GPR55: variants seen among roughly 807,000 people sequenced by gnomAD.
The protein encoded by GPR55 is G-protein coupled receptor 55.
In GPR55, 6 loss-of-function variants were observed where a neutral mutation model predicts 7.9. The ratio of observed to expected loss-of-function variants is 0.76; its 90% CI spans 0.41 to 1.49. The LOEUF (loss-of-function observed/expected upper bound fraction) is 1.49, where lower values mean the gene tolerates loss of function less well. Among genes scored for constraint, GPR55 ranks in the 40% most tolerant of loss-of-function variants. The probability of loss-of-function intolerance (pLI) is 0.01; values close to 1 mark genes in which losing one functional copy is unlikely to be tolerated. For synonymous variants in GPR55, 183 were observed against 166.8 expected, an observed-to-expected ratio of 1.10 and a Z score of -0.75; for missense variants, 376 against 406.0, an observed-to-expected ratio of 0.93 and a Z score of 0.63.
At position 230,910,705 on chromosome 2, in the gene GPR55, T is replaced by TA. The variant is rs776003986; in HGVS notation, c.257dup (p.Gln87ThrfsTer88). 9 of 1,613,790 alleles carry TA rather than the reference T, an allele frequency of 5.6e-6. No homozygotes were observed. The Admixed American group carries it at 1.3e-4, about 24-fold the overall frequency. On this transcript the variant is annotated frameshift_variant, in exon 2 of 2. Transcript: ENST00000650999. LOFTEE classifies it high-confidence loss of function. This position sits in a 1 kb window ranked among gnomAD's most constrained non-coding sequence, Gnocchi z 5.4. ...TGCACAGGGACGGGAAGGGGGACTG[T>TA]ACCTGGGACAGGACCATCTTGAATG...
upstream of GPR55, among the ~76,000 whole-genome samples, chr2:230,927,680 C>T (rs1214816918): frequency 6.6e-6 from 1 of 152,238 alleles, no homozygotes; most frequent in Admixed American, 6.5e-5. Flanking sequence ...CCTTCGACTT[C>T]ACCAGTGGAG....
chr2:230,933,220 G>A (rs967867745), intron 1 of GPR55, among the ~76,000 whole-genome samples: 2 of 70,656 alleles, frequency 2.8e-5, no homozygotes, highest in African/African-American at 1.4e-4. Context: ...TGCCTGGCCT[G>A]CCTCTCTGCT....
At chr2:230,947,475 G>A (rs1691336843) in intron 1 of GPR55, among the ~76,000 whole-genome samples, 1 of 151,962 alleles carries the variant, frequency 6.6e-6, no homozygotes, top group Admixed American at 6.6e-5. Flanking sequence ...CACTCCAGTA[G>A]GGAGTGTCTG....
In GPR55 at chr2:230,932,923, G is replaced by A. The variant is rs184906084; in HGVS notation, c.-134-21827C>T. Among the ~76,000 whole-genome samples, 7 of 152,254 alleles carry A rather than the reference G, an allele frequency of 4.6e-5. No individual in the cohort carries two copies. The East Asian group carries it at 1.4e-3, about 29-fold the overall frequency. On this transcript the variant is annotated intron_variant, in intron 1 of 1. Coordinates refer to the GPR55 transcript ENST00000392039. The stretch of plus-strand genomic sequence containing the variant: ...CTCTCTCTAATTCTCTACATGTGAG[G>A]TCACAAGGACAAATCCTAAGGGAAC...
At chr2:230,945,973 G>A (rs955199488) in intron 1 of GPR55, among the ~76,000 whole-genome samples, 1 of 152,182 alleles carries the variant, frequency 6.6e-6, no homozygotes, top group Non-Finnish European at 1.5e-5. Context: ...AACAGCCTAA[G>A]TGTCCATCAG....
intron 1 of GPR55, among the ~76,000 whole-genome samples, chr2:230,936,183 T>C (rs559689322): frequency 1.3e-5 from 2 of 152,272 alleles, no homozygotes; most frequent in South Asian, 4.2e-4. Flanking sequence ...TGAAGGAGCC[T>C]TGAAGGTAAG....
chr2:230,949,450 C>T (rs1368222349), intron 1 of GPR55, among the ~76,000 whole-genome samples: 1 of 152,150 alleles, frequency 6.6e-6, no homozygotes, highest in Non-Finnish European at 1.5e-5. Flanking sequence ...GCGTGAGCCA[C>T]CGCGCCCATC....
chr2:230,955,819 C>T (rs897552204), intron 1 of GPR55, among the ~76,000 whole-genome samples: 5 of 152,136 alleles, frequency 3.3e-5, no homozygotes, highest in Admixed American at 2.6e-4. Flanking sequence ...CTTGACCTCC[C>T]GGGCTCAAGC....
At chr2:230,951,544 G>A (rs1307393086) in intron 1 of GPR55, among the ~76,000 whole-genome samples, 1 of 152,180 alleles carries the variant, frequency 6.6e-6, no homozygotes. Flanking sequence ...AGCCTATGTG[G>A]TTTCTAGAAG....
At chr2:230,946,914 A>T (rs1297222777) in intron 1 of GPR55, among the ~76,000 whole-genome samples, 3 of 152,244 alleles carry the variant, frequency 2.0e-5, no homozygotes, top group African/African-American at 7.2e-5. Flanking sequence ...GACACACACC[A>T]AACTAGAGAG....
rs1056907176 is a variant in GPR55 at position 230,944,233 on chromosome 2, T to G, written c.-135+16542A>C. 6.6e-6 allele frequency among the ~76,000 whole-genome samples: 1 copy of G among 152,156 alleles called. No homozygotes were observed. The highest frequency in any genetic ancestry group is 1.5e-5 in the Non-Finnish European group (1 of 68,022). ...CATTGGACAGGGCAAAGCTGTGGTGTGGAAAGGGGCAAATCCACATCCCTC... is the reference window on the plus strand; with the variant it reads ...CATTGGACAGGGCAAAGCTGTGGTGGGGAAAGGGGCAAATCCACATCCCTC... On this transcript the variant is annotated intron_variant, in intron 1 of 1. Transcript: ENST00000392039. The surrounding 1 kb of genome is among the most constrained non-coding windows in gnomAD (Gnocchi z 4.2).
chr2:230,918,487 C>G (rs775421357), intron 1 of GPR55, among the ~76,000 whole-genome samples: 1 of 152,142 alleles, frequency 6.6e-6, no homozygotes, highest in African/African-American at 2.4e-5. Flanking sequence ...AAAATAGGCT[C>G]TAGCTTATTT....
intron 1 of GPR55, among the ~76,000 whole-genome samples, chr2:230,938,905 C>T (rs1691175483): frequency 6.6e-6 from 1 of 152,196 alleles, no homozygotes. Flanking sequence ...TCCAGGAGGG[C>T]CTGGCCTTTT....
chr2:230,925,245 GGA>G, upstream of GPR55: 1 of 152,698 alleles, frequency 6.5e-6, no homozygotes. Context: ...CCTGTTCTGG[GGA>G]GAGTCACTTC....
intron 1 of GPR55, among the ~76,000 whole-genome samples, chr2:230,915,183 G>T (rs1238366720): frequency 1.3e-5 from 2 of 152,244 alleles, no homozygotes; most frequent in Admixed American, 1.3e-4. Context: ...AAGCAGCAGA[G>T]CTGCACTGAC....
At chr2:230,913,767 T>A (rs1279194155) in intron 1 of GPR55, among the ~76,000 whole-genome samples, 1 of 152,094 alleles carries the variant, frequency 6.6e-6, no homozygotes, top group Admixed American at 6.6e-5. Context: ...TCAAAAATGA[T>A]GAGAAAAGCA....
At chr2:230,955,371 C>T (rs368373001) in intron 1 of GPR55, among the ~76,000 whole-genome samples, 3 of 152,204 alleles carry the variant, frequency 2.0e-5, no homozygotes, top group Non-Finnish European at 4.4e-5. Flanking sequence ...TATGGGCACA[C>T]GTGACAGTGC....
intron 1 of GPR55, among the ~76,000 whole-genome samples, chr2:230,933,904 G>GCT (rs1691093396): frequency 1.3e-5 from 2 of 152,188 alleles, no homozygotes; most frequent in African/African-American, 4.8e-5. Flanking sequence ...TTCCCCAAGA[G>GCT]CTCAGCCTCT....
At chr2:230,926,724 C>G (rs529194553), upstream of GPR55, among the ~76,000 whole-genome samples, 1 of 125,412 alleles carries the variant, frequency 8.0e-6, no homozygotes, top group Non-Finnish European at 1.6e-5. Context: ...GAGTCTCGCT[C>G]TGTTGCCCAG....
Sources: gnomAD v4.1 joint callset for allele counts (sites outside exome capture counted in the v4.1 genomes callset) on GRCh38, gnomAD v4.1.1 for gene constraint, Gnocchi (gnomAD v3.1) non-coding constraint, MANE v1.5 for transcripts, NCBI Gene and HGNC (gene_info 2026-07-23, HGNC 2026-07-21) for gene names.